C12orf42: variants seen among roughly 807,000 people sequenced by gnomAD.
C12orf42 encodes uncharacterized protein C12orf42.
Under a neutral mutation model 21.6 loss-of-function variants are expected in C12orf42, and 25 were observed. The observed-to-expected ratio is 1.16, with a 90% CI of 0.84 to 1.62. The LOEUF (loss-of-function observed/expected upper bound fraction) is 1.62. C12orf42 is among the 40% of genes most tolerant of loss of function. C12orf42 has a pLI of 0.00. For missense variants in C12orf42, 483 were observed against 459.3 expected, an observed-to-expected ratio of 1.05 and a Z score of -0.47; for synonymous variants, 174 against 175.0, an observed-to-expected ratio of 0.99 and a Z score of 0.05.
chr12:103,455,963 C>T (rs1952262010), intron 2 of C12orf42, among the ~76,000 whole-genome samples: 4 of 151,990 alleles, frequency 2.6e-5, no homozygotes, highest in Admixed American at 1.3e-4. Flanking sequence ...ACACAGAACT[C>T]TCACAGAACA....
chr12:103,118,772 T>TAAAAAAAAAAA, the C12orf42 span, among the ~76,000 whole-genome samples: 14 of 41,660 alleles, frequency 3.4e-4, no homozygotes, highest in African/African-American at 1.1e-3. Flanking sequence ...CACTCCAGCC[T>TAAAAAAAAAAA]AAAAAAAAAA....
chr12:103,363,091 T>C (rs2044259677), intron 4 of C12orf42, among the ~76,000 whole-genome samples: 1 of 152,054 alleles, frequency 6.6e-6, no homozygotes. Flanking sequence ...ATAAGAGCCA[T>C]GAGGCAAAAG....
At chr12:103,557,090 C>A in the C12orf42 span, among the ~76,000 whole-genome samples, 1 of 152,140 alleles carries the variant, frequency 6.6e-6, no homozygotes. Context: ...TTGTGGTAAT[C>A]TGTTCCAACA....
chr12:103,229,821 T>G, the C12orf42 span, among the ~76,000 whole-genome samples: 1 of 152,248 alleles, frequency 6.6e-6, no homozygotes, highest in South Asian at 2.1e-4. Context: ...CTAATGCATA[T>G]AGCTACAGTT....
At chr12:103,187,863 G>A in the C12orf42 span, among the ~76,000 whole-genome samples, 3 of 152,090 alleles carry the variant, frequency 2.0e-5, no homozygotes, top group African/African-American at 7.2e-5. Flanking sequence ...TCATTTATTT[G>A]TGTGTGCCTT....
chr12:103,479,929 T>C (rs968872505), intron 1 of C12orf42, among the ~76,000 whole-genome samples: 10 of 151,990 alleles, frequency 6.6e-5, no homozygotes, highest in Admixed American at 3.9e-4. Context: ...CTTACCTTAT[T>C]TTAGTGTCAA....
chr12:103,053,653 A>T, the C12orf42 span, among the ~76,000 whole-genome samples: 1 of 151,948 alleles, frequency 6.6e-6, no homozygotes, highest in Non-Finnish European at 1.5e-5. Flanking sequence ...TTGCGATGTT[A>T]ATCTAAAAAC....
rs746712205 is a variant in C12orf42, at chr12:103,306,245, A to G, written c.360T>C (p.Asp120=). The G allele has an allele frequency of 2.5e-6, 4 of 1,613,778 alleles. No homozygotes were observed. The Admixed American group carries it at 5.0e-5, about 20-fold the overall frequency. The change falls in exon 5 of 6, where the codon GAT becomes GAC. Residue 120 remains aspartate, a synonymous_variant. Coordinates refer to ENST00000548883, the MANE Select transcript of C12orf42 (RefSeq NM_198521.5). The part of the protein sequence containing the change: ...PRCSVSTVSF[D]EESYEEFRSS... ...AACGGAATTCTTCATAGCTTTCTTC[A>G]TCAAAAGAAACTGTGCTTACAGAAC...
chr12:103,560,186 G>A, the C12orf42 span, among the ~76,000 whole-genome samples: 2 of 152,152 alleles, frequency 1.3e-5, no homozygotes, highest in Admixed American at 6.5e-5. Context: ...GAAACTACAA[G>A]GTTGACTGCT....
chr12:103,243,628 A>G (rs1593196550), intron 10 of C12orf42, among the ~76,000 whole-genome samples: 1 of 152,060 alleles, frequency 6.6e-6, no homozygotes, highest in African/African-American at 2.4e-5. Flanking sequence ...CCTTTCTAGT[A>G]AGTAGAAAAT....
At chr12:103,424,909 T>G (rs1949678577) in intron 2 of C12orf42, among the ~76,000 whole-genome samples, 1 of 152,092 alleles carries the variant, frequency 6.6e-6, no homozygotes, top group Non-Finnish European at 1.5e-5. Context: ...CCCACCCCCA[T>G]GGAAAGCAGC....
Position 103,256,101 on chromosome 12 carries a change from TATATATATATACACACACACACACAC to T in C12orf42, c.*1366+7199_*1366+7224del, listed in dbSNP as rs1181164372. ...AAAAAAAAAAATATATATATATATA[TATATATATATACACACACACACACAC>T]ACACACACACACACACACGTATATA... On this transcript the variant is annotated intron_variant and NMD_transcript_variant, in intron 10 of 10. Transcript: ENST00000547347. Among the ~76,000 whole-genome samples, 79 of 38,718 alleles carry T rather than the reference TATATATATATACACACACACACACAC, an allele frequency of 2.0e-3. 2 individuals are homozygous for T. The East Asian group carries it at 0.071, about 35-fold the overall frequency. The allele number at this position is 38,718 out of a possible 152,430, so 25.4% of individuals were successfully genotyped here.
chr12:103,535,727 T>C, the C12orf42 span, among the ~76,000 whole-genome samples: 22 of 152,318 alleles, frequency 1.4e-4, no homozygotes, highest in South Asian at 4.3e-3. Context: ...GTTGAGGACA[T>C]GAACTCTAAA....
chr12:103,097,842 G>A, the C12orf42 span, among the ~76,000 whole-genome samples: 19 of 152,292 alleles, frequency 1.2e-4, no homozygotes, highest in Admixed American at 5.9e-4. Flanking sequence ...CCACTCATGC[G>A]GATGGGACAC....
At chr12:103,147,512 T>C in the C12orf42 span, among the ~76,000 whole-genome samples, 2 of 148,638 alleles carry the variant, frequency 1.3e-5, no homozygotes, top group African/African-American at 4.9e-5. Flanking sequence ...TCTTTTTTTT[T>C]TTTTTTTTGG....
the C12orf42 span, among the ~76,000 whole-genome samples, chr12:103,502,083 C>T: frequency 3.9e-5 from 6 of 152,154 alleles, no homozygotes; most frequent in Non-Finnish European, 8.8e-5. Context: ...TCATTATATC[C>T]TGGAAGCCAC....
chr12:103,271,119 T>C (rs1171146108), intron 5 of C12orf42, among the ~76,000 whole-genome samples: 1 of 152,134 alleles, frequency 6.6e-6, no homozygotes, highest in African/African-American at 2.4e-5. Context: ...GCTGTGTGAC[T>C]TTTTGCAAGC....
upstream of C12orf42, among the ~76,000 whole-genome samples, chr12:103,496,872 C>T (rs1333760470): frequency 1.4e-5 from 2 of 144,174 alleles, no homozygotes; most frequent in Non-Finnish European, 3.0e-5. Context: ...AGATCTCATT[C>T]AAAGGTCTAG....
At chr12:103,251,001 C>T (rs1488700596) in intron 10 of C12orf42, among the ~76,000 whole-genome samples, 1 of 151,938 alleles carries the variant, frequency 6.6e-6, no homozygotes, top group African/African-American at 2.4e-5. Flanking sequence ...TCCTAAAGAC[C>T]ACCCCTTTCT....
Sources: allele counts gnomAD v4.1 joint callset (sites outside exome capture counted in the v4.1 genomes callset), GRCh38; gene constraint gnomAD v4.1.1; transcripts MANE v1.5; gene names NCBI Gene and HGNC (gene_info 2026-07-23, HGNC 2026-07-21).